The following SLC7A11 variants were observed in gnomAD, a reference collection of about 807,000 sequenced individuals.
SLC7A11 encodes cystine/glutamate transporter.
In SLC7A11, 35 loss-of-function variants were observed where a neutral mutation model predicts 54.5. The observed-to-expected ratio is 0.64, with a 90% CI of 0.49 to 0.85. SLC7A11 has a LOEUF of 0.85. SLC7A11 is among the 40% of genes least tolerant of loss of function. The pLI, the probability that SLC7A11 is intolerant of heterozygous loss-of-function variation, is 0.00. For missense variants in SLC7A11, 583 were observed against 618.1 expected (o/e 0.94, Z 0.60); for synonymous variants, 230 against 225.2 (o/e 1.02, Z -0.19).
At chr4:138,239,143 C>A (rs1256336684) in intron 1 of SLC7A11, among the ~76,000 whole-genome samples, 2 of 152,164 alleles carry the variant, frequency 1.3e-5, no homozygotes, top group African/African-American at 4.8e-5. Flanking sequence ...TGTTGGTAGG[C>A]TGTCCAGAAA....
chr4:138,240,720 C>T (rs1204781669), intron 1 of SLC7A11, among the ~76,000 whole-genome samples: 2 of 152,130 alleles, frequency 1.3e-5, no homozygotes, highest in African/African-American at 4.8e-5. Flanking sequence ...AGCGTTAGTA[C>T]TTGTTAGTTA....
At chr4:138,175,710 G>A (rs1210107836) in intron 11 of SLC7A11, 1 of 152,060 alleles carries the variant, frequency 6.6e-6, no homozygotes, top group Admixed American at 6.6e-5. Flanking sequence ...TGTGGCTGGA[G>A]AGATTTATCA....
intron 1 of SLC7A11, among the ~76,000 whole-genome samples, chr4:138,239,255 G>A (rs963856375): frequency 1.3e-5 from 2 of 152,110 alleles, no homozygotes; most frequent in African/African-American, 2.4e-5. Flanking sequence ...TGAAACTCCA[G>A]GATGGTTGCC....
At chr4:138,225,186 C>T (rs979623797) in intron 3 of SLC7A11, among the ~76,000 whole-genome samples, 2 of 127,426 alleles carry the variant, frequency 1.6e-5, no homozygotes, top group Admixed American at 1.7e-4. Context: ...AAAATCATTA[C>T]ATTGTACACC....
At position 138,166,253 on chromosome 4, in the gene SLC7A11, T is replaced by C. The variant is rs1056334157; in HGVS notation, c.*5703A>G. On this transcript the variant is annotated 3_prime_UTR_variant, in exon 12 of 12. Coordinates refer to ENST00000280612, the MANE Select transcript of SLC7A11 (RefSeq NM_014331.4). ...AAAGTTAGTTAGTAGGAAAATTTGA[T>C]GTCTAAATTTTATAATACACATTTA... The C allele has an allele frequency of 2.0e-5, 3 of 152,146 alleles. No homozygotes were observed. The highest frequency in any genetic ancestry group is 4.8e-5 in the African/African-American group (2 of 41,432). The allele number at this position is 152,146 out of a possible 1,614,324, so 9.4% of individuals were successfully genotyped here. A position where few individuals can be genotyped will look rare whatever the true frequency, so the allele number is the denominator to read the frequency against.
rs373710407 is a variant in SLC7A11 at position 138,236,309 on chromosome 4, T to C, written c.404+16A>G. ...ATTGGTTTATTTTTTCTTAATTCTT[T>C]CTACTATGCTCTTACCGTATTATGA... On this transcript the variant is annotated intron_variant, in intron 2 of 11. Coordinates refer to ENST00000280612, the MANE Select transcript of SLC7A11 (RefSeq NM_014331.4). 3 of 1,581,860 alleles carry C rather than the reference T, an allele frequency of 1.9e-6. No homozygotes were observed. Among genetic ancestry groups the C allele is most frequent in the Non-Finnish European group, 2.6e-6 (3 of 1,170,522 alleles).
chr4:138,234,382 A>C (rs1292757410), intron 2 of SLC7A11, among the ~76,000 whole-genome samples: 1 of 152,180 alleles, frequency 6.6e-6, no homozygotes, highest in Non-Finnish European at 1.5e-5. Flanking sequence ...AAAGAAGAGA[A>C]ATATTTACAT....
At chr4:138,192,098 G>A (rs1737026153) in intron 6 of SLC7A11, among the ~76,000 whole-genome samples, 1 of 152,030 alleles carries the variant, frequency 6.6e-6, no homozygotes, top group African/African-American at 2.4e-5. Flanking sequence ...TTCGGTAAAC[G>A]ATTTTTATAA....
intron 1 of SLC7A11, among the ~76,000 whole-genome samples, chr4:138,237,700 AATATATATATATATATATATAT>A (rs1168512229): frequency 2.2e-3 from 32 of 14,706 alleles, no homozygotes; most frequent in East Asian, 5.4e-3. Flanking sequence ...GCCTAGCCAG[AATATATATATATATATATATAT>A]ATATATATAT....
intron 3 of SLC7A11, among the ~76,000 whole-genome samples, chr4:138,224,368 A>G (rs1737888688): frequency 6.6e-6 from 1 of 152,166 alleles, no homozygotes; most frequent in Non-Finnish European, 1.5e-5. Flanking sequence ...ATTAACTATA[A>G]CCTTTATATT....
At chr4:138,174,040 T>C (rs1420528040) in intron 11 of SLC7A11, among the ~76,000 whole-genome samples, 1 of 152,128 alleles carries the variant, frequency 6.6e-6, no homozygotes, top group African/African-American at 2.4e-5. Flanking sequence ...AATGGCCAGA[T>C]GTAAAGCAGT....
chr4:138,180,081 A>G (rs1477300432), intron 10 of SLC7A11, among the ~76,000 whole-genome samples: 2 of 152,134 alleles, frequency 1.3e-5, no homozygotes, highest in Admixed American at 6.6e-5. Context: ...GGAGATGCTT[A>G]CTTATGGTAA....
chr4:138,188,589 G>C (rs943197149), intron 6 of SLC7A11, among the ~76,000 whole-genome samples: 32 of 152,160 alleles, frequency 2.1e-4, no homozygotes, highest in African/African-American at 7.0e-4. Context: ...CAAAGTGTAA[G>C]AGCCACTGGG....
rs929233600 is a variant in SLC7A11 at position 138,170,508 on chromosome 4, G to T, written c.*1448C>A. On this transcript the variant is annotated 3_prime_UTR_variant, in exon 12 of 12. Coordinates refer to ENST00000280612, the MANE Select transcript of SLC7A11 (RefSeq NM_014331.4). ...ATTTTGTATTTTTAGTAGAGATGGG[G>T]TTTCTCCATGTTGGTCAGGCTGGTC... 6.6e-6 allele frequency: 1 copy of T among 151,314 alleles called. No homozygotes were observed. The highest frequency in any genetic ancestry group is 1.5e-5 in the Non-Finnish European group (1 of 67,890). The allele number at this position is 151,314 out of a possible 1,614,324, so 9.4% of individuals were successfully genotyped here.
intron 6 of SLC7A11, among the ~76,000 whole-genome samples, chr4:138,186,419 T>C (rs567516474): frequency 6.6e-6 from 1 of 152,256 alleles, no homozygotes; most frequent in African/African-American, 2.4e-5. Flanking sequence ...CCCAGCACAT[T>C]ATACCGAACA....
intron 6 of SLC7A11, among the ~76,000 whole-genome samples, chr4:138,203,818 T>G (rs990777372): frequency 6.6e-6 from 1 of 152,054 alleles, no homozygotes; most frequent in African/African-American, 2.4e-5. Context: ...ATTCAAAACT[T>G]GCAACAGTTT....
chr4:138,212,063 G>C (rs1212599734), intron 6 of SLC7A11, among the ~76,000 whole-genome samples: 1 of 151,828 alleles, frequency 6.6e-6, no homozygotes. Context: ...ACATGTTTGA[G>C]GTGATGAGTA....
intron 6 of SLC7A11, among the ~76,000 whole-genome samples, chr4:138,192,108 A>G (rs2148420492): frequency 6.6e-6 from 1 of 152,282 alleles, no homozygotes; most frequent in African/African-American, 2.4e-5. Context: ...GATTTTTATA[A>G]TAGTGTTTCT....
intron 6 of SLC7A11, among the ~76,000 whole-genome samples, chr4:138,208,460 CATT>C (rs1737461613): frequency 6.6e-6 from 1 of 152,162 alleles, no homozygotes; most frequent in African/African-American, 2.4e-5. Context: ...GGATTACAAA[CATT>C]ATACATCTCA....
Sources: allele counts gnomAD v4.1 joint callset (sites outside exome capture counted in the v4.1 genomes callset), GRCh38; gene constraint gnomAD v4.1.1; transcripts MANE v1.5; gene names NCBI Gene and HGNC (gene_info 2026-07-23, HGNC 2026-07-21).